IRAG1: variants seen among roughly 807,000 people sequenced by gnomAD.
The protein encoded by IRAG1 is IP3R-associated cGMP kinase substrate.
A neutral mutation model predicts 106.2 loss-of-function variants in IRAG1; 62 were observed. That is an observed-to-expected ratio of 0.58 (90% CI 0.48 to 0.72). IRAG1 has a LOEUF of 0.72. Among genes scored for constraint, IRAG1 ranks in the 30% least tolerant of loss-of-function variants. IRAG1 has a pLI of 0.00. For missense variants in IRAG1, 1,064 were observed against 1,140.7 expected (o/e 0.93, Z 0.97); for synonymous variants, 462 against 443.9 (o/e 1.04, Z -0.51).
At chr11:10,629,257 G>A (rs1452177737) in intron 5 of IRAG1, among the ~76,000 whole-genome samples, 1 of 152,170 alleles carries the variant, frequency 6.6e-6, no homozygotes, top group Non-Finnish European at 1.5e-5. Context: ...CTCTAGCATA[G>A]AGGAAGCAGG....
chr11:10,651,959 C>T (rs547690577), intron 2 of IRAG1, 66 bp downstream of exon 2: 58 of 1,475,828 alleles, frequency 3.9e-5, no homozygotes, highest in Non-Finnish European at 5.2e-5. Context: ...AAAGCTGTGG[C>T]CTCAGCCCAG....
intron 1 of IRAG1, among the ~76,000 whole-genome samples, chr11:10,669,994 C>T (rs939976826): frequency 1.3e-5 from 2 of 152,180 alleles, no homozygotes; most frequent in South Asian, 2.1e-4. Flanking sequence ...CTGCACTAAC[C>T]GAGGTGGGAT....
At chr11:10,598,707 ATTTGC>A (rs1853604074) in intron 15 of IRAG1, among the ~76,000 whole-genome samples, 1 of 152,228 alleles carries the variant, frequency 6.6e-6, no homozygotes, top group African/African-American at 2.4e-5. Flanking sequence ...TTTGAAAATA[ATTTGC>A]TTTAAGAGCC....
intron 2 of IRAG1, among the ~76,000 whole-genome samples, chr11:10,643,719 T>A (rs1338493059): frequency 1.3e-5 from 2 of 152,098 alleles, no homozygotes; most frequent in Non-Finnish European, 2.9e-5. Context: ...CAAGCATCCA[T>A]CCACCTTTCC....
At chr11:10,609,417 T>C (rs1854754028) in intron 11 of IRAG1, among the ~76,000 whole-genome samples, 1 of 152,180 alleles carries the variant, frequency 6.6e-6, no homozygotes, top group Non-Finnish European at 1.5e-5. Context: ...CATGGGTAAA[T>C]GGTGTATCTG....
chr11:10,668,893 G>C (rs893746200), intron 1 of IRAG1, among the ~76,000 whole-genome samples: 1 of 152,208 alleles, frequency 6.6e-6, no homozygotes, highest in African/African-American at 2.4e-5. Flanking sequence ...AGTGCCAGCA[G>C]ACCTGGCTCT....
intron 10 of IRAG1, among the ~76,000 whole-genome samples, chr11:10,615,389 C>G (rs1014530712): frequency 6.6e-6 from 1 of 152,172 alleles, no homozygotes; most frequent in African/African-American, 2.4e-5. Flanking sequence ...CCTCAAGGAT[C>G]TAGAAGTAGA....
chr11:10,627,357 A>G (rs1856323312), intron 8 of IRAG1, among the ~76,000 whole-genome samples: 1 of 152,152 alleles, frequency 6.6e-6, no homozygotes, highest in Admixed American at 6.5e-5. Flanking sequence ...CGGCTTCCCC[A>G]GACAGAATCC....
At chr11:10,649,946 G>C (rs921106858) in intron 2 of IRAG1, among the ~76,000 whole-genome samples, 4 of 152,176 alleles carry the variant, frequency 2.6e-5, no homozygotes, top group African/African-American at 9.7e-5. Flanking sequence ...CAAGACTATA[G>C]AGAGAATGTT....
intron 10 of IRAG1, among the ~76,000 whole-genome samples, chr11:10,615,807 T>C (rs1261616246): frequency 6.6e-6 from 1 of 151,682 alleles, no homozygotes; most frequent in South Asian, 2.1e-4. Context: ...GGGGGAGGGA[T>C]AGCATTAGCA....
intron 4 of IRAG1, among the ~76,000 whole-genome samples, chr11:10,630,863 C>G (rs938316400): frequency 6.6e-6 from 1 of 152,214 alleles, no homozygotes. Flanking sequence ...GCTAACCCCC[C>G]TCCCCTGTGC....
intron 14 of IRAG1, among the ~76,000 whole-genome samples, chr11:10,602,264 T>A (rs1389781673): frequency 1.3e-5 from 2 of 152,196 alleles, no homozygotes; most frequent in Non-Finnish European, 2.9e-5. Context: ...CCCAGGAACC[T>A]CCTCTCATGT....
intron 2 of IRAG1, among the ~76,000 whole-genome samples, chr11:10,636,556 T>C (rs1857161738): frequency 6.6e-6 from 1 of 152,252 alleles, no homozygotes; most frequent in African/African-American, 2.4e-5. Context: ...TTTAGATTTC[T>C]TTCTCTTTCA....
intron 1 of IRAG1, among the ~76,000 whole-genome samples, chr11:10,661,092 G>GT (rs202186376): frequency 2.6e-5 from 4 of 152,060 alleles, no homozygotes; most frequent in East Asian, 3.9e-4. Context: ...TTTTACCATG[G>GT]GGGGGCCAGT....
At chr11:10,670,065 C>T (rs930512775) in intron 1 of IRAG1, among the ~76,000 whole-genome samples, 2 of 152,204 alleles carry the variant, frequency 1.3e-5, no homozygotes, top group Non-Finnish European at 2.9e-5. Context: ...CTGACATAAC[C>T]AATTGAGATC....
At chr11:10,636,408 A>G (rs1240837557) in intron 2 of IRAG1, among the ~76,000 whole-genome samples, 1 of 152,142 alleles carries the variant, frequency 6.6e-6, no homozygotes, top group African/African-American at 2.4e-5. Context: ...AACTTCCAGA[A>G]TCAAGCGATC....
At chr11:10,666,255 A>G (rs1859778173) in intron 1 of IRAG1, among the ~76,000 whole-genome samples, 1 of 152,240 alleles carries the variant, frequency 6.6e-6, no homozygotes. Flanking sequence ...TATCTTATCC[A>G]GTCCTTACAA....
chr11:10,689,969 T>G (rs1861934306), intron 1 of IRAG1, among the ~76,000 whole-genome samples: 1 of 152,094 alleles, frequency 6.6e-6, no homozygotes, highest in Admixed American at 6.5e-5. Flanking sequence ...CATGCATTAC[T>G]TTTTTTTCTA....
intron 1 of IRAG1, among the ~76,000 whole-genome samples, chr11:10,671,425 C>T (rs897336035): frequency 4.6e-5 from 7 of 152,160 alleles, no homozygotes; most frequent in African/African-American, 1.2e-4. Context: ...ATACACCCAA[C>T]GGCTGGCCGG....
Sources: gnomAD v4.1 joint callset for allele counts (sites outside exome capture counted in the v4.1 genomes callset) on GRCh38, gnomAD v4.1.1 for gene constraint, MANE v1.5 for transcripts, NCBI Gene and HGNC (gene_info 2026-07-23, HGNC 2026-07-21) for gene names.